Variants in ART1 observed in about 807,000 individuals in gnomAD.
The protein encoded by ART1 is ADP-ribosyltransferase 1.
ART1 carries 29 observed loss-of-function variants against 27.0 expected under a neutral mutation model. That is an observed-to-expected ratio of 1.08 (90% CI 0.80 to 1.47). The LOEUF (loss-of-function observed/expected upper bound fraction) is 1.47, where lower values mean the gene tolerates loss of function less well. ART1 is among the 40% of genes most tolerant of loss of function. The pLI is 0.00. For synonymous variants in ART1, 201 were observed against 172.2 expected, an observed-to-expected ratio of 1.17 and a Z score of -1.31; for missense variants, 480 against 423.0, an observed-to-expected ratio of 1.13 and a Z score of -1.18.
intron 1 of ART1, among the ~76,000 whole-genome samples, chr11:3,649,303 C>A (rs368531762): frequency 1.3e-5 from 2 of 152,206 alleles, no homozygotes; most frequent in African/African-American, 4.8e-5. Flanking sequence ...ACAAACTCGA[C>A]AGTGGTTCCA....
chr11:3,651,525 C>T (rs1324606451), intron 1 of ART1, among the ~76,000 whole-genome samples: 1 of 146,508 alleles, frequency 6.8e-6, no homozygotes, highest in Non-Finnish European at 1.5e-5. Flanking sequence ...CATCCTATAG[C>T]CTTTCTGTCC....
chr11:3,660,463 G>A (rs1372318862), intron 3 of ART1, 100 bp downstream of exon 3: 2 of 1,363,924 alleles, frequency 1.5e-6, no homozygotes, highest in East Asian at 2.3e-5. Context: ...TGTGTCCCAG[G>A]GATACATAAA....
intron 1 of ART1, among the ~76,000 whole-genome samples, chr11:3,647,245 C>A (rs535439910): frequency 2.6e-5 from 4 of 152,096 alleles, no homozygotes; most frequent in East Asian, 1.9e-4. Context: ...TTGCTTGAAC[C>A]CGGGAGGCAG....
rs559880958 is a variant in ART1, at chr11:3,652,345, A to G, written c.-52-6817A>G. Among the ~76,000 whole-genome samples the G allele has an allele frequency of 1.1e-3, 166 of 149,320 alleles. 2 individuals are homozygous for G. Among genetic ancestry groups the G allele is most frequent in the African/African-American group, 4.1e-3 (158 of 38,968 alleles). ...CCTCTATACAGTCTGAAAACAGACC[A>G]GCCTTTACTAGTCAAATCAGCCAAG... On this transcript the variant is annotated intron_variant, in intron 1 of 4. Transcript: ENST00000250693.
At chr11:3,656,641 C>T (rs7123313) in intron 1 of ART1, among the ~76,000 whole-genome samples, 2,386 of 152,130 alleles carry the variant, frequency 0.016, 66 homozygotes, top group African/African-American at 0.053. Flanking sequence ...CTCAGCCTCC[C>T]GGAGTTGTCC....
chr11:3,664,254 G>T lies in ART1; in HGVS notation c.*65G>T. ...CATCCTGAGGATGTTGGCCATGTGT[G>T]CTTTCAGTGTAACCAAGATTCCTGT... is the stretch of plus-strand genomic sequence containing the variant. On this transcript the variant is annotated 3_prime_UTR_variant, in exon 5 of 5. Coordinates refer to ENST00000250693, the MANE Select transcript of ART1 (RefSeq NM_004314.3). The T allele has an allele frequency of 6.7e-7, 1 of 1,488,584 alleles. No homozygotes were observed. The allele number at this position is 1,488,584 out of a possible 1,614,324, so 92.2% of individuals were successfully genotyped here.
chr11:3,660,575 C>T (rs1051309278), intron 3 of ART1, among the ~76,000 whole-genome samples: 4 of 152,210 alleles, frequency 2.6e-5, no homozygotes, highest in African/African-American at 4.8e-5. Context: ...AGCCATAGTT[C>T]GCCACTTGCC....
In ART1 at chr11:3,661,399, A is replaced by G. The variant is rs761441061; in HGVS notation, c.872A>G (p.His291Arg). Residue 291 changes from histidine (H) to arginine (R), a missense_variant, in exon 4 of 5, where the codon CAT becomes CGT. By Grantham distance (29) the His-to-Arg change is conservative. Coordinates refer to ENST00000250693, the MANE Select transcript of ART1 (RefSeq NM_004314.3). Reference protein sequence around the residue: ...KDKKCKSGPCHLDNSAMGQSP... With the variant: ...KDKKCKSGPCRLDNSAMGQSP... ...AAGAAGTGCAAGTCTGGGCCTTGCC[A>G]TCTGGATAATTCAGGTAAGGGCTGC... 4 of 1,612,072 alleles carry G rather than the reference A, an allele frequency of 2.5e-6. No homozygotes were observed. The highest frequency in any genetic ancestry group is 4.5e-5 in the East Asian group (2 of 44,800).
At chr11:3,653,073 T>C (rs2077538524) in intron 1 of ART1, among the ~76,000 whole-genome samples, 2 of 148,424 alleles carry the variant, frequency 1.3e-5, no homozygotes, top group East Asian at 2.0e-4. Flanking sequence ...TTCAGCTTAA[T>C]CTCTCCCACT....
intron 4 of ART1, among the ~76,000 whole-genome samples, chr11:3,663,572 A>G (rs1341624776): frequency 1.3e-5 from 2 of 152,076 alleles, no homozygotes; most frequent in Non-Finnish European, 2.9e-5. Context: ...ATCTCTGTCT[A>G]CCTTCCTAAA....
At position 3,660,228 on chromosome 11, in the gene ART1, G is replaced by C; in HGVS notation, c.709G>C (p.Gly237Arg). The change falls in exon 3 of 5, where the codon GGA (glycine) becomes CGA (arginine). Residue 237 changes from glycine (G) to arginine (R), a missense_variant. Coordinates refer to ENST00000250693, the MANE Select transcript of ART1 (RefSeq NM_004314.3). Reference protein sequence around the residue: ...APIKGYSFFPGEEEVLIPPFE... With the variant: ...APIKGYSFFPREEEVLIPPFE... ...TATCAAGGGCTACTCCTTCTTCCCT[G>C]GAGAGGAAGAGGTGCTGATCCCCCC... is the stretch of plus-strand genomic sequence containing the variant. 6.2e-7 allele frequency: 1 copy of C among 1,613,998 alleles called. No individual in the cohort carries two copies. The highest frequency in any genetic ancestry group is 8.5e-7 in the Non-Finnish European group (1 of 1,180,046).
At chr11:3,656,529 C>G (rs1331529379) in intron 1 of ART1, among the ~76,000 whole-genome samples, 2 of 151,994 alleles carry the variant, frequency 1.3e-5, no homozygotes, top group Non-Finnish European at 2.9e-5. Context: ...ATTATAGGCA[C>G]CTGCCATCAT....
chr11:3,660,034 C>T lies in ART1; in HGVS notation c.515C>T (p.Pro172Leu), dbSNP rs1434389891. 4 of 1,613,696 alleles carry T rather than the reference C, an allele frequency of 2.5e-6. No homozygotes were observed. Among genetic ancestry groups the T allele is most frequent in the African/African-American group, 2.7e-5 (2 of 74,952 alleles). ...CTCCTGGGCAGCGGCCAGCGTCCAC[C>T]CCGGTGCCACCAGGTGTTCCGAGGT... is the stretch of plus-strand genomic sequence containing the variant. ...LQLLGSGQRP[P>L]RCHQVFRGVH... Residue 172 changes from proline (P) to leucine (L), a missense_variant, in exon 3 of 5, where the codon CCC (proline) becomes CTC (leucine). Pro to Leu is a moderately conservative substitution (Grantham distance 98). Transcript: ENST00000250693.
rs2077471347 is a variant in ART1 at position 3,646,632 on chromosome 11, T to C, written c.-53+1453T>C. ...TCCACCTGACCTCTGGCTTCATCAA[T>C]CAAGCAGCTCACCCTCTGCCTTTCA... On this transcript the variant is annotated intron_variant, in intron 1 of 4. Transcript: ENST00000250693. 3.3e-5 allele frequency among the ~76,000 whole-genome samples: 5 copies of C among 152,280 alleles called. No individual in the cohort carries two copies. In the South Asian group the frequency reaches 1.0e-3, roughly 32 times the overall value.
Position 3,659,933 on chromosome 11 carries a change from G to T in ART1, c.414G>T (p.Ala138=). The T allele has an allele frequency of 6.2e-7, 1 of 1,613,526 alleles. No individual in the cohort carries two copies. The highest frequency in any genetic ancestry group is 8.5e-7 in the Non-Finnish European group (1 of 1,179,798). ...HKEFNAAVRE[A]GRSRAHYLHH... ...AGTTCAATGCAGCCGTGCGTGAGGCGGGCCGCTCCCGGGCCCACTACCTCC... is the reference window on the plus strand; with the variant it reads ...AGTTCAATGCAGCCGTGCGTGAGGCTGGCCGCTCCCGGGCCCACTACCTCC... The change falls in exon 3 of 5, where the codon GCG becomes GCT. Residue 138 remains alanine (A), a synonymous_variant. Transcript: ENST00000250693.
At chr11:3,661,587 C>T (rs936566557) in intron 4 of ART1, among the ~76,000 whole-genome samples, 174 bp downstream of exon 4, 20 of 149,762 alleles carry the variant, frequency 1.3e-4, no homozygotes, top group African/African-American at 3.9e-4. Context: ...CTCCACTTCC[C>T]GGGTTCAAGC....
intron 1 of ART1, among the ~76,000 whole-genome samples, chr11:3,652,196 T>TA (rs2077528703): frequency 6.6e-6 from 1 of 150,816 alleles, no homozygotes; most frequent in Non-Finnish European, 1.5e-5. Context: ...ATAACTAAAA[T>TA]ACCTCTTAGT....
At chr11:3,656,347 T>C (rs1427308431) in intron 1 of ART1, among the ~76,000 whole-genome samples, 1 of 146,076 alleles carries the variant, frequency 6.8e-6, no homozygotes, top group Non-Finnish European at 1.5e-5. Context: ...ACCACACCTG[T>C]AGCCTGGCTT....
intron 1 of ART1, among the ~76,000 whole-genome samples, chr11:3,653,714 T>G (rs1411349846): frequency 2.0e-5 from 3 of 152,176 alleles, no homozygotes; most frequent in Admixed American, 2.0e-4. Flanking sequence ...GAAACCTGGG[T>G]GTCATCCTTG....
Sources: gnomAD v4.1 joint callset for allele counts (sites outside exome capture counted in the v4.1 genomes callset) on GRCh38, gnomAD v4.1.1 for gene constraint, MANE v1.5 for transcripts, NCBI Gene and HGNC (gene_info 2026-07-23, HGNC 2026-07-21) for gene names.